Variants in DOCK3 observed in about 807,000 individuals in gnomAD.
The protein encoded by DOCK3 is dedicator of cytokinesis 3, also known as dedicator of cytokinesis protein 3.
Under a neutral mutation model 265.6 loss-of-function variants are expected in DOCK3, and 60 were observed. The observed-to-expected ratio is 0.23, with a 90% confidence interval of 0.18 to 0.28. The LOEUF is 0.28. DOCK3 is among the 10% of genes least tolerant of loss of function. The pLI, the probability that DOCK3 is intolerant of heterozygous loss-of-function variation, is 1.00. For missense variants in DOCK3, 1,981 were observed against 2,594.3 expected (o/e 0.76, Z 5.14); for synonymous variants, 881 against 938.0 (o/e 0.94, Z 1.11).
intron 5 of DOCK3, among the ~76,000 whole-genome samples, chr3:51,035,471 A>G (rs567219172): frequency 6.6e-6 from 1 of 152,258 alleles, no homozygotes; most frequent in South Asian, 2.1e-4. Flanking sequence ...GTCATTTATT[A>G]AGGGCATATC....
chr3:50,819,404 ATAGT>A (rs1445716301), intron 2 of DOCK3, among the ~76,000 whole-genome samples: 1 of 152,224 alleles, frequency 6.6e-6, no homozygotes, highest in Non-Finnish European at 1.5e-5. Context: ...CATATTATAG[ATAGT>A]TTCACACATA....
In DOCK3 at chr3:50,780,844, C is replaced by T. The variant is rs576733742; in HGVS notation, c.121+2086C>T. Among the ~76,000 whole-genome samples, 6 of 152,138 alleles carry T rather than the reference C, an allele frequency of 3.9e-5. No homozygotes were observed. In the South Asian group the frequency reaches 1.0e-3, roughly 26 times the overall value. ...CTTCAAATCCTCCCTTCCCCTTCCC[C>T]TCCAGTATCCTTCATTCAGGTTTTT... On this transcript the variant is annotated intron_variant, in intron 2 of 52. Transcript: ENST00000266037.
intron 38 of DOCK3, among the ~76,000 whole-genome samples, chr3:51,347,975 T>C (rs1238941162): frequency 1.3e-5 from 2 of 152,224 alleles, no homozygotes; most frequent in African/African-American, 4.8e-5. Flanking sequence ...CTTGTGATTT[T>C]TGCACATTGA....
At chr3:51,300,694 T>G (rs1005393528) in intron 27 of DOCK3, among the ~76,000 whole-genome samples, 3 of 152,232 alleles carry the variant, frequency 2.0e-5, no homozygotes, top group Non-Finnish European at 4.4e-5. Context: ...GTTTATGTGC[T>G]GAATTACCTT....
intron 7 of DOCK3, among the ~76,000 whole-genome samples, chr3:51,087,897 A>G (rs559501668): frequency 6.6e-6 from 1 of 152,306 alleles, no homozygotes; most frequent in Non-Finnish European, 1.5e-5. Flanking sequence ...CTACTACTGG[A>G]TATTTATCAA....
intron 45 of DOCK3, 38 bp downstream of exon 45, chr3:51,357,879 A>G: frequency 6.2e-7 from 1 of 1,613,798 alleles, no homozygotes; most frequent in Non-Finnish European, 8.5e-7. Context: ...CAGCCAGGTG[A>G]GAAAAGCCAT....
chr3:51,247,597 T>G (rs1281937076), intron 22 of DOCK3, among the ~76,000 whole-genome samples: 1 of 152,278 alleles, frequency 6.6e-6, no homozygotes, highest in Non-Finnish European at 1.5e-5. Context: ...GAATGTTTTC[T>G]CAAGCATTAT....
chr3:50,846,690 A>C (rs950917128), intron 3 of DOCK3, among the ~76,000 whole-genome samples: 2 of 152,080 alleles, frequency 1.3e-5, no homozygotes, highest in African/African-American at 4.8e-5. Flanking sequence ...TGAACTTGAT[A>C]TTGGTCTGTT....
intron 12 of DOCK3, among the ~76,000 whole-genome samples, chr3:51,186,556 GA>G (rs1419189511): frequency 1.3e-5 from 2 of 152,324 alleles, no homozygotes; most frequent in African/African-American, 4.8e-5. Flanking sequence ...AGACAATGGG[GA>G]AAATGTCTCC....
At chr3:50,786,849 C>A in intron 2 of DOCK3, 1 of 741,392 alleles carries the variant, frequency 1.3e-6, no homozygotes, top group Non-Finnish European at 2.6e-6. Flanking sequence ...AACCTTTCGT[C>A]ACAGTTCTCG....
intron 12 of DOCK3, among the ~76,000 whole-genome samples, chr3:51,164,639 A>AG (rs2086295941): frequency 6.6e-6 from 1 of 151,656 alleles, no homozygotes; most frequent in South Asian, 2.1e-4. Flanking sequence ...AAAAAAAAAA[A>AG]AAGGAGGAGA....
chr3:51,213,353 C>A (rs1036824916), intron 13 of DOCK3, among the ~76,000 whole-genome samples: 57 of 152,180 alleles, frequency 3.7e-4, no homozygotes, highest in African/African-American at 1.3e-3. Context: ...ACTGTTACAG[C>A]CTTCTAGCCA....
intron 9 of DOCK3, among the ~76,000 whole-genome samples, chr3:51,122,822 G>A (rs557542734): frequency 6.6e-6 from 1 of 152,326 alleles, no homozygotes; most frequent in South Asian, 2.1e-4. Flanking sequence ...CAGGATTTAT[G>A]GATATATGAG....
rs781154817 is a variant in DOCK3 at position 51,354,948 on chromosome 3, A to G, written c.4174A>G (p.Ser1392Gly). ...RLEAFQQRML[S>G]EFPQAVAMQH... Reference sequence around the variant, plus strand: ...GGAGGCCTTCCAGCAGAGGATGCTCAGTGAGTTTCCGCAGGCTGTCGCCAT... The same window carrying G: ...GGAGGCCTTCCAGCAGAGGATGCTCGGTGAGTTTCCGCAGGCTGTCGCCAT... The change falls in exon 41 of 53, where the codon AGT (serine) becomes GGT (glycine). Residue 1392 changes from serine (S) to glycine (G), a missense_variant. By Grantham distance (56) the Ser-to-Gly change is moderately conservative (BLOSUM62 0). Coordinates refer to ENST00000266037, the MANE Select transcript of DOCK3 (RefSeq NM_004947.5). 31 of 1,613,836 alleles carry G rather than the reference A, an allele frequency of 1.9e-5. No homozygotes were observed. Among genetic ancestry groups the G allele is most frequent in the Non-Finnish European group, 2.5e-5 (29 of 1,179,854 alleles).
intron 3 of DOCK3, among the ~76,000 whole-genome samples, chr3:50,875,940 T>C (rs1383720329): frequency 1.3e-5 from 2 of 152,046 alleles, no homozygotes; most frequent in African/African-American, 2.4e-5. Flanking sequence ...CATGATATAT[T>C]GAACAAGAAC....
intron 35 of DOCK3, among the ~76,000 whole-genome samples, chr3:51,336,138 T>C (rs2084855322): frequency 6.6e-6 from 1 of 152,180 alleles, no homozygotes; most frequent in Non-Finnish European, 1.5e-5. Context: ...GATTGTACTC[T>C]AGAATTACCT....
intron 11 of DOCK3, among the ~76,000 whole-genome samples, chr3:51,159,790 G>C (rs1274868123): frequency 6.6e-6 from 1 of 152,054 alleles, no homozygotes; most frequent in East Asian, 1.9e-4. Context: ...CCCCACCCAA[G>C]ATGAAAAAGT....
intron 12 of DOCK3, among the ~76,000 whole-genome samples, chr3:51,177,921 G>C (rs2087047703): frequency 6.6e-6 from 1 of 151,252 alleles, no homozygotes; most frequent in South Asian, 2.1e-4. Flanking sequence ...AACCTGGGAG[G>C]CAGAGATTGC....
At chr3:51,214,681 T>C (rs2089684426) in intron 14 of DOCK3, among the ~76,000 whole-genome samples, 1 of 152,228 alleles carries the variant, frequency 6.6e-6, no homozygotes, top group South Asian at 2.1e-4. Context: ...TGTGTAGGAA[T>C]AGCAGATACA....
Sources: allele counts gnomAD v4.1 joint callset (sites outside exome capture counted in the v4.1 genomes callset), GRCh38; gene constraint gnomAD v4.1.1; transcripts MANE v1.5; gene names NCBI Gene and HGNC (gene_info 2026-07-23, HGNC 2026-07-21).